The following PCDHGA4 variants were observed in gnomAD, a reference collection of about 807,000 sequenced individuals.
PCDHGA4 encodes protocadherin gamma subfamily A, 4, also known as protocadherin gamma-A4.
A neutral mutation model predicts 54.6 loss-of-function variants in PCDHGA4; 38 were observed. The observed-to-expected ratio is 0.70, with a 90% CI of 0.54 to 0.91. PCDHGA4 has a LOEUF of 0.91. Among genes scored for constraint, PCDHGA4 ranks in the 40% least tolerant of loss-of-function variants. The pLI is 0.00. For missense variants in PCDHGA4, 1,298 were observed against 1,220.9 expected, an observed-to-expected ratio of 1.06 and a Z score of -0.94; for synonymous variants, 511 against 512.9, an observed-to-expected ratio of 1.00 and a Z score of 0.05.
chr5:141,361,222 G>A, intron 1 of PCDHGA4: 1 of 1,613,958 alleles, frequency 6.2e-7, no homozygotes, highest in Non-Finnish European at 8.5e-7. Flanking sequence ...TTCGCCACCA[G>A]GAACAGTGAT....
intron 3 of PCDHGA4, among the ~76,000 whole-genome samples, chr5:141,509,089 G>C (rs1366018197): frequency 6.6e-6 from 1 of 152,158 alleles, no homozygotes; most frequent in Non-Finnish European, 1.5e-5. Context: ...ACATGAAATG[G>C]GGGCTGTAGA....
intron 1 of PCDHGA4, among the ~76,000 whole-genome samples, chr5:141,359,701 T>C (rs1588542297): frequency 1.3e-5 from 2 of 152,140 alleles, no homozygotes; most frequent in African/African-American, 2.4e-5. Context: ...TCCGGAAGGA[T>C]ACCTAAGAAA....
At chr5:141,455,605 T>C (rs930071553) in intron 1 of PCDHGA4, among the ~76,000 whole-genome samples, 2 of 152,098 alleles carry the variant, frequency 1.3e-5, no homozygotes, top group African/African-American at 4.8e-5. Flanking sequence ...TAGGGCGCCA[T>C]GGATGTTCTA....
In PCDHGA4 at chr5:141,486,288, T is replaced by G. The variant is rs1181533037; in HGVS notation, c.2515-8519T>G. ...GAACCTGGCACTGTGGTGGCACTTA[T>G]CAGTGTGCAGGATCCAGACTCAGGG... On this transcript the variant is annotated intron_variant, in intron 1 of 3. Transcript: ENST00000571252. This position sits in a 1 kb window ranked among gnomAD's most constrained non-coding sequence, Gnocchi z 5.0. The G allele has an allele frequency of 6.2e-7, 1 of 1,613,996 alleles. No individual in the cohort carries two copies. The highest frequency in any genetic ancestry group is 1.7e-5 in the Admixed American group (1 of 60,000).
intron 1 of PCDHGA4, chr5:141,364,802 C>T (rs1312102403): frequency 6.2e-7 from 1 of 1,614,006 alleles, no homozygotes; most frequent in Non-Finnish European, 8.5e-7. Context: ...TCCCTTCGCG[C>T]GGGATGCGGA....
chr5:141,414,638 A>C lies in PCDHGA4; in HGVS notation c.2514+57017A>C, dbSNP rs539861509. The C allele has an allele frequency of 7.8e-5, 126 of 1,613,988 alleles. 1 individual carries two copies. In the South Asian group the frequency reaches 1.3e-3, roughly 17 times the overall value. ...GCGCTGGACCCGGACAGCAAAGAGA[A>C]TGCCCAGATTATTTACTCCCTGGCT... On this transcript the variant is annotated intron_variant, in intron 1 of 3. Coordinates refer to ENST00000571252, the MANE Select transcript of PCDHGA4 (RefSeq NM_018917.4).
chr5:141,389,704 TG>T (rs1341184136), intron 1 of PCDHGA4: 5 of 1,612,632 alleles, frequency 3.1e-6, no homozygotes, highest in Admixed American at 3.3e-5. Context: ...TACCACGTGC[TG>T]CAGGCTAGCG....
intron 1 of PCDHGA4, among the ~76,000 whole-genome samples, chr5:141,457,057 C>T (rs1224573005): frequency 6.6e-6 from 1 of 152,182 alleles, no homozygotes; most frequent in Non-Finnish European, 1.5e-5. Flanking sequence ...TTCATGCTTC[C>T]TTTTTGCCAG....
intron 1 of PCDHGA4, among the ~76,000 whole-genome samples, chr5:141,438,921 C>T (rs1204218608): frequency 6.6e-6 from 1 of 151,970 alleles, no homozygotes; most frequent in Non-Finnish European, 1.5e-5. Context: ...CTGCCTTGGC[C>T]TCCCAAAGTG....
Position 141,431,151 on chromosome 5 carries a change from C to A in PCDHGA4, c.2515-63656C>A, listed in dbSNP as rs764416448. On this transcript the variant is annotated intron_variant, in intron 1 of 3. Transcript: ENST00000571252. This position sits in a 1 kb window ranked among gnomAD's most constrained non-coding sequence, Gnocchi z 4.8. Reference sequence around the variant, plus strand: ...GTAAGGGACATTAACGACAATGCGCCTTACTTTCGTGAAAGTGAATTAGAA... The same window carrying A: ...GTAAGGGACATTAACGACAATGCGCATTACTTTCGTGAAAGTGAATTAGAA... 7.4e-6 allele frequency: 12 copies of A among 1,614,126 alleles called. No individual in the cohort carries two copies. Among genetic ancestry groups the A allele is most frequent in the Middle Eastern group, 1.6e-4 (1 of 6,084 alleles).
Position 141,486,585 on chromosome 5 carries a change from G to A in PCDHGA4, c.2515-8222G>A. The A allele has an allele frequency of 6.2e-7, 1 of 1,613,708 alleles. No individual in the cohort carries two copies. The highest frequency in any genetic ancestry group is 1.1e-5 in the South Asian group (1 of 91,080). ...TTTGTTCCTGAGAACAATCGCCCAG[G>A]GGACCTGCTTTGCTCCCTTGCAGCC... On this transcript the variant is annotated intron_variant, in intron 1 of 3. Transcript: ENST00000571252. The surrounding 1 kb of genome is among the most constrained non-coding windows in gnomAD (Gnocchi z 5.0).
At chr5:141,508,760 T>A (rs1004267844) in intron 3 of PCDHGA4, among the ~76,000 whole-genome samples, 17 of 151,522 alleles carry the variant, frequency 1.1e-4, no homozygotes, top group Admixed American at 1.1e-3. Flanking sequence ...CTCTGGCGCC[T>A]CTGAGGTCCC....
chr5:141,409,445 A>G, intron 1 of PCDHGA4: 1 of 1,613,988 alleles, frequency 6.2e-7, no homozygotes, highest in Non-Finnish European at 8.5e-7. Context: ...CCGAGAGCAG[A>G]CACCAGAATA....
Position 141,477,991 on chromosome 5 carries a change from T to C in PCDHGA4, c.2515-16816T>C, listed in dbSNP as rs774877878. On this transcript the variant is annotated intron_variant, in intron 1 of 3. Transcript: ENST00000571252. The surrounding 1 kb of genome is among the most constrained non-coding windows in gnomAD (Gnocchi z 4.9). The stretch of plus-strand genomic sequence containing the variant: ...GCCTTTTTGCCATAGGGCTGCACAC[T>C]GGTCAAATCAGTACTGCCCGTCCAG... 2 of 1,614,134 alleles carry C rather than the reference T, an allele frequency of 1.2e-6. No individual in the cohort carries two copies. Among genetic ancestry groups the C allele is most frequent in the South Asian group, 2.2e-5 (2 of 91,082 alleles).
At chr5:141,384,265 T>G in intron 1 of PCDHGA4, 1 of 1,613,814 alleles carries the variant, frequency 6.2e-7, no homozygotes, top group Non-Finnish European at 8.5e-7. Context: ...CCCCCACTCA[T>G]CCTACTCAGT....
intron 1 of PCDHGA4, chr5:141,398,797 G>C (rs1338071296): frequency 1.2e-6 from 2 of 1,613,898 alleles, no homozygotes; most frequent in Non-Finnish European, 1.7e-6. Flanking sequence ...ACCCCTAAGC[G>C]GCACCACTGA....
intron 1 of PCDHGA4, chr5:141,414,112 T>C (rs967826724): frequency 1.3e-6 from 2 of 1,592,428 alleles, no homozygotes; most frequent in African/African-American, 2.7e-5. Context: ...AAATCTAGAT[T>C]ATGAAGAAAC....
chr5:141,431,584 G>A lies in PCDHGA4; in HGVS notation c.2515-63223G>A, dbSNP rs201462681. 7 of 1,614,074 alleles carry A rather than the reference G, an allele frequency of 4.3e-6. No homozygotes were observed. The African/African-American group carries it at 9.3e-5, about 22-fold the overall frequency. On this transcript the variant is annotated intron_variant, in intron 1 of 3. Coordinates refer to ENST00000571252, the MANE Select transcript of PCDHGA4 (RefSeq NM_018917.4). The surrounding 1 kb of genome is among the most constrained non-coding windows in gnomAD (Gnocchi z 4.8). ...CCGACCCTGACGAAGGAGTCAATGC[G>A]GAAGTGAGGTATTCCTTCCGGTATG... is the stretch of plus-strand genomic sequence containing the variant.
At chr5:141,450,835 T>TATTA (rs1438371595) in intron 1 of PCDHGA4, among the ~76,000 whole-genome samples, 1 of 142,096 alleles carries the variant, frequency 7.0e-6, no homozygotes, top group Admixed American at 6.9e-5. Context: ...TATTATTTTT[T>TATTA]TTTTTTTGAG....
Sources: allele counts gnomAD v4.1 joint callset (sites outside exome capture counted in the v4.1 genomes callset), GRCh38; gene constraint gnomAD v4.1.1; non-coding constraint Gnocchi (gnomAD v3.1); transcripts MANE v1.5; gene names NCBI Gene and HGNC (gene_info 2026-07-23, HGNC 2026-07-21).